The following LTBP1 variants were observed in gnomAD, a reference collection of about 807,000 sequenced individuals.
LTBP1 encodes latent transforming growth factor beta binding protein 1, also known as latent-transforming growth factor beta-binding protein 1.
LTBP1 carries 129 observed loss-of-function variants against 207.6 expected under a neutral mutation model. The ratio of observed to expected loss-of-function variants is 0.62; its 90% CI spans 0.54 to 0.72. The LOEUF (loss-of-function observed/expected upper bound fraction) is 0.72. LTBP1 is among the 30% of genes least tolerant of loss of function. LTBP1 has a pLI of 0.00. For missense variants in LTBP1, 2,281 were observed against 2,217.2 expected, an observed-to-expected ratio of 1.03 and a Z score of -0.58; for synonymous variants, 963 against 833.7, an observed-to-expected ratio of 1.16 and a Z score of -2.67.
chr2:33,325,227 A>T (rs1387299105), intron 24 of LTBP1, among the ~76,000 whole-genome samples: 1 of 152,112 alleles, frequency 6.6e-6, no homozygotes, highest in Non-Finnish European at 1.5e-5. Context: ...TGAGCATTGG[A>T]GCTCTTATTT....
At chr2:33,207,043 A>G (rs1206204307) in intron 7 of LTBP1, among the ~76,000 whole-genome samples, 1 of 152,170 alleles carries the variant, frequency 6.6e-6, no homozygotes, top group Non-Finnish European at 1.5e-5. Flanking sequence ...TCTTTTTGCA[A>G]CTTAAGAGCA....
intron 2 of LTBP1, among the ~76,000 whole-genome samples, chr2:32,964,363 T>C (rs1391309494): frequency 2.6e-5 from 4 of 152,242 alleles, no homozygotes; most frequent in Non-Finnish European, 5.9e-5. Flanking sequence ...ATGCATCTTT[T>C]CTTTTCTTTC....
intron 31 of LTBP1, among the ~76,000 whole-genome samples, chr2:33,382,420 A>G (rs1457801227): frequency 6.6e-6 from 1 of 151,796 alleles, no homozygotes; most frequent in Non-Finnish European, 1.5e-5. Flanking sequence ...TTTCTTATCT[A>G]TTATACATGC....
intron 3 of LTBP1, among the ~76,000 whole-genome samples, chr2:33,061,947 C>A (rs1163438610): frequency 1.3e-5 from 2 of 152,144 alleles, no homozygotes; most frequent in Non-Finnish European, 2.9e-5. Flanking sequence ...GTTCTGGTTG[C>A]ACCACATCTG....
chr2:33,033,614 CTT>C (rs36113954), intron 3 of LTBP1, among the ~76,000 whole-genome samples: 8 of 138,094 alleles, frequency 5.8e-5, no homozygotes, highest in African/African-American at 5.4e-5. Context: ...AAAAAAGGGA[CTT>C]TTTTTTTTTT....
chr2:33,397,514 T>C (rs2095369795), intron 33 of LTBP1, among the ~76,000 whole-genome samples: 1 of 145,120 alleles, frequency 6.9e-6, no homozygotes, highest in Non-Finnish European at 1.5e-5. Flanking sequence ...TTCTTTTTTT[T>C]TTTTTTTTTT....
chr2:33,211,471 C>G lies in LTBP1; in HGVS notation c.1702-6081C>G, dbSNP rs112921567. Among the ~76,000 whole-genome samples the G allele has an allele frequency of 1.9e-3, 297 of 152,328 alleles. 2 individuals carry two copies. The highest frequency in any genetic ancestry group is 6.6e-3 in the African/African-American group (273 of 41,574). ...TGGGATTGGACAAGCATCATTTAAT[C>G]TCACAATCCTTTGGGGTTGGGATTA... On this transcript the variant is annotated intron_variant, in intron 7 of 33. Transcript: ENST00000404816.
intron 5 of LTBP1, among the ~76,000 whole-genome samples, chr2:33,175,043 C>G (rs1168520972): frequency 6.6e-6 from 1 of 152,148 alleles, no homozygotes; most frequent in Non-Finnish European, 1.5e-5. Flanking sequence ...AGACCTAAAA[C>G]CATAGAAACC....
intron 4 of LTBP1, among the ~76,000 whole-genome samples, chr2:33,113,154 A>G (rs1380835582): frequency 6.6e-6 from 1 of 152,192 alleles, no homozygotes; most frequent in Non-Finnish European, 1.5e-5. Context: ...GGTTGGCAAT[A>G]ACAAGTGTTA....
intron 25 of LTBP1, among the ~76,000 whole-genome samples, chr2:33,346,676 C>T (rs146803757): frequency 0.054 from 8,029 of 148,902 alleles, 639 homozygotes; most frequent in African/African-American, 0.18. Context: ...CAGAATGAGA[C>T]GCCGTCTCAA....
intron 12 of LTBP1, 27 bp downstream of exon 12, chr2:33,257,538 C>G (rs767811923): frequency 1.9e-6 from 3 of 1,558,882 alleles, no homozygotes; most frequent in Non-Finnish European, 2.7e-6. Context: ...ATCATGGACT[C>G]TAGACATCTA....
At chr2:32,954,391 C>T (rs1677701053) in intron 2 of LTBP1, among the ~76,000 whole-genome samples, 1 of 152,176 alleles carries the variant, frequency 6.6e-6, no homozygotes, top group African/African-American at 2.4e-5. Flanking sequence ...GCGTTACTTC[C>T]TTCTGAAGGC....
intron 23 of LTBP1, 90 bp downstream of exon 23, chr2:33,309,646 T>C (rs1416166250): frequency 1.4e-6 from 2 of 1,398,288 alleles, no homozygotes; most frequent in Admixed American, 2.3e-5. Context: ...TTTTGCCATG[T>C]GATTTATATG....
At chr2:33,078,178 A>G (rs2078186509) in intron 3 of LTBP1, among the ~76,000 whole-genome samples, 1 of 152,246 alleles carries the variant, frequency 6.6e-6, no homozygotes, top group East Asian at 1.9e-4. Flanking sequence ...CTGTTGTAAC[A>G]GCATGAACTT....
intron 31 of LTBP1, among the ~76,000 whole-genome samples, chr2:33,367,827 G>T (rs1004985982): frequency 6.6e-6 from 1 of 152,124 alleles, no homozygotes; most frequent in African/African-American, 2.4e-5. Flanking sequence ...GCAGGGAAAG[G>T]TTAGGGGAGG....
intron 13 of LTBP1, 46 bp downstream of exon 13, chr2:33,259,656 G>A (rs780715210): frequency 7.7e-6 from 12 of 1,562,958 alleles, no homozygotes; most frequent in Non-Finnish European, 1.0e-5. Context: ...AACGCTCAAA[G>A]TGATTTTCTA....
intron 3 of LTBP1, among the ~76,000 whole-genome samples, chr2:33,038,988 C>A (rs2076056702): frequency 6.6e-6 from 1 of 152,200 alleles, no homozygotes; most frequent in South Asian, 2.1e-4. Context: ...GCCTCCAGTT[C>A]CCGCCCTTTG....
chr2:32,982,655 G>T (rs1682940426), intron 2 of LTBP1, among the ~76,000 whole-genome samples: 1 of 152,208 alleles, frequency 6.6e-6, no homozygotes, highest in African/African-American at 2.4e-5. Context: ...AGGACTTGGT[G>T]CCTTGAGCTC....
chr2:33,392,166 T>C (rs1300817603), intron 32 of LTBP1, among the ~76,000 whole-genome samples: 1 of 146,718 alleles, frequency 6.8e-6, no homozygotes, highest in Non-Finnish European at 1.5e-5. Flanking sequence ...ATTTGCCCTT[T>C]ATAAGGGCCA....
Sources: allele counts gnomAD v4.1 joint callset (sites outside exome capture counted in the v4.1 genomes callset), GRCh38; gene constraint gnomAD v4.1.1; transcripts MANE v1.5; gene names NCBI Gene and HGNC (gene_info 2026-07-23, HGNC 2026-07-21).